WDFY1: variants seen among roughly 807,000 people sequenced by gnomAD.
WDFY1 encodes the protein WD repeat and FYVE domain-containing protein 1.
WDFY1 carries 32 observed loss-of-function variants against 56.4 expected under a neutral mutation model. The ratio of observed to expected loss-of-function variants is 0.57; its 90% confidence interval spans 0.43 to 0.76. The LOEUF is 0.76. Among genes scored for constraint, WDFY1 ranks in the 30% least tolerant of loss-of-function variants. The pLI is 0.00. For synonymous variants in WDFY1, 192 were observed against 197.3 expected (o/e 0.97, Z 0.23); for missense variants, 480 against 545.7 (o/e 0.88, Z 1.20).
chr2:223,911,152 C>T (rs554636922), intron 3 of WDFY1, among the ~76,000 whole-genome samples: 2 of 152,260 alleles, frequency 1.3e-5, no homozygotes, highest in South Asian at 4.1e-4. Context: ...AAAGGCCACA[C>T]ATATTGTATG....
chr2:223,944,768 G>A (rs919108166), intron 1 of WDFY1, among the ~76,000 whole-genome samples: 2 of 150,418 alleles, frequency 1.3e-5, no homozygotes, highest in Admixed American at 6.6e-5. Context: ...AGCAGGAGGG[G>A]CGAGGTGGGC....
intron 1 of WDFY1, among the ~76,000 whole-genome samples, chr2:223,942,369 G>A (rs543183127): frequency 1.6e-4 from 24 of 151,356 alleles, no homozygotes; most frequent in African/African-American, 5.1e-4. Flanking sequence ...ACAGGCGCCT[G>A]CCACCACACC....
intron 1 of WDFY1, among the ~76,000 whole-genome samples, chr2:223,943,954 A>C (rs961718609): frequency 1.3e-5 from 2 of 152,218 alleles, no homozygotes; most frequent in African/African-American, 2.4e-5. Flanking sequence ...AGTGCAAGAG[A>C]GGACTCTGTG....
chr2:223,910,887 T>A (rs191064101), intron 3 of WDFY1, among the ~76,000 whole-genome samples: 113 of 152,312 alleles, frequency 7.4e-4, no homozygotes, highest in Admixed American at 1.8e-3. Flanking sequence ...AGTCACCATA[T>A]GACCCAGCAA....
At chr2:223,929,176 C>CTGT (rs2106099098) in intron 1 of WDFY1, among the ~76,000 whole-genome samples, 1 of 83,006 alleles carries the variant, frequency 1.2e-5, no homozygotes, top group African/African-American at 4.2e-5. Context: ...TTTTTTTTTT[C>CTGT]TTTCTGTTTT....
Position 223,899,060 on chromosome 2 carries a change from C to CA in WDFY1, c.495dup (p.Asp166Ter). Reference sequence around the variant, plus strand: ...TCACCAACGAAAGCATACTGAGTGTCAAAGTCATATCTGAGGAGAAGCAGT... The same window carrying CA: ...TCACCAACGAAAGCATACTGAGTGTCAAAAGTCATATCTGAGGAGAAGCAGT... On this transcript the variant is annotated frameshift_variant, in exon 6 of 12. Coordinates refer to ENST00000233055, the MANE Select transcript of WDFY1 (RefSeq NM_020830.5). LOFTEE classifies it high-confidence loss of function. 3 of 1,613,952 alleles carry CA rather than the reference C, an allele frequency of 1.9e-6. No homozygotes were observed. Among genetic ancestry groups the CA allele is most frequent in the Non-Finnish European group, 2.5e-6 (3 of 1,179,910 alleles).
intron 1 of WDFY1, among the ~76,000 whole-genome samples, chr2:223,937,421 G>A (rs1689206456): frequency 1.3e-5 from 2 of 152,118 alleles, no homozygotes; most frequent in African/African-American, 4.8e-5. Flanking sequence ...GCAATTAAAT[G>A]GAAAATAAAT....
At chr2:223,928,070 C>A (rs1694015608) in intron 1 of WDFY1, among the ~76,000 whole-genome samples, 1 of 151,910 alleles carries the variant, frequency 6.6e-6, no homozygotes, top group Non-Finnish European at 1.5e-5. Flanking sequence ...TTTGTGGCTC[C>A]CCAAAACAAT....
At chr2:223,884,614 T>A in intron 9 of WDFY1, 34 bp downstream of exon 9, 1 of 1,600,324 alleles carries the variant, frequency 6.2e-7, no homozygotes, top group Non-Finnish European at 8.6e-7. Flanking sequence ...AAATACACAA[T>A]CAAGCCAGAG....
intron 11 of WDFY1, among the ~76,000 whole-genome samples, chr2:223,879,492 T>A (rs1693028890): frequency 6.6e-6 from 1 of 151,674 alleles, no homozygotes; most frequent in Admixed American, 6.6e-5. Flanking sequence ...CCAATCTCTA[T>A]GAAAAATCCC....
chr2:223,926,503 T>C (rs182516377), intron 1 of WDFY1, among the ~76,000 whole-genome samples: 10 of 152,096 alleles, frequency 6.6e-5, no homozygotes, highest in African/African-American at 1.9e-4. Context: ...AGAATGAGTG[T>C]TGTATTAGCA....
intron 1 of WDFY1, among the ~76,000 whole-genome samples, chr2:223,942,685 G>A (rs1689329406): frequency 7.1e-6 from 1 of 139,966 alleles, no homozygotes; most frequent in African/African-American, 2.6e-5. Flanking sequence ...ACAGGCGCCC[G>A]CCACCGCGCC....
chr2:223,893,812 C>T (rs187340461), intron 8 of WDFY1, among the ~76,000 whole-genome samples: 262 of 152,278 alleles, frequency 1.7e-3, no homozygotes, highest in Middle Eastern at 0.01. Context: ...TATATTTTCC[C>T]AGAAACCTGT....
chr2:223,894,210 C>T (rs758726087), intron 8 of WDFY1, 24 bp downstream of exon 8: 4 of 1,613,338 alleles, frequency 2.5e-6, no homozygotes, highest in Non-Finnish European at 3.4e-6. Context: ...CCCCGATCAG[C>T]CTGGACTTGC....
intron 1 of WDFY1, among the ~76,000 whole-genome samples, chr2:223,938,899 G>A (rs1288909589): frequency 2.1e-5 from 3 of 142,148 alleles, no homozygotes; most frequent in African/African-American, 7.9e-5. Flanking sequence ...CTGTCACCCA[G>A]GCTGGAGTGC....
chr2:223,926,338 T>A (rs531155409), intron 1 of WDFY1, among the ~76,000 whole-genome samples: 1 of 152,160 alleles, frequency 6.6e-6, no homozygotes, highest in Non-Finnish European at 1.5e-5. Context: ...TTATAAAGTC[T>A]CATTCTACTG....
chr2:223,880,465 T>C (rs1488486972), intron 10 of WDFY1, among the ~76,000 whole-genome samples: 3 of 151,816 alleles, frequency 2.0e-5, no homozygotes, highest in Non-Finnish European at 4.4e-5. Flanking sequence ...AAATTAGCTC[T>C]GTGTGGTGGC....
intron 1 of WDFY1, 33 bp from the exon 2 acceptor site, chr2:223,918,043 GT>G: frequency 8.7e-6 from 14 of 1,601,380 alleles, no homozygotes; most frequent in Non-Finnish European, 1.2e-5. Flanking sequence ...AATAGAGTAG[GT>G]TTTAGTAATT....
At chr2:223,908,772 G>A (rs1458436895) in intron 3 of WDFY1, among the ~76,000 whole-genome samples, 1 of 152,112 alleles carries the variant, frequency 6.6e-6, no homozygotes, top group East Asian at 1.9e-4. Context: ...TCTCAAAACT[G>A]AACTCATCAC....
Sources: gnomAD v4.1 joint callset for allele counts (sites outside exome capture counted in the v4.1 genomes callset) on GRCh38, gnomAD v4.1.1 for gene constraint, MANE v1.5 for transcripts, NCBI Gene and HGNC (gene_info 2026-07-23, HGNC 2026-07-21) for gene names.